Variants in RAB3C observed in about 807,000 individuals in gnomAD.
The protein encoded by RAB3C is ras-related protein Rab-3C.
In RAB3C, 17 loss-of-function variants were observed where a neutral mutation model predicts 26.4. The ratio of observed to expected loss-of-function variants is 0.64; its 90% CI spans 0.44 to 0.97. The LOEUF (loss-of-function observed/expected upper bound fraction) is 0.97. Among genes scored for constraint, RAB3C ranks in the 50% least tolerant of loss-of-function variants. The probability of loss-of-function intolerance (pLI) is 0.00; values close to 1 mark genes in which losing one functional copy is unlikely to be tolerated. For missense variants in RAB3C, 242 were observed against 281.9 expected (o/e 0.86, Z 1.01); for synonymous variants, 91 against 95.9 (o/e 0.95, Z 0.30).
intron 2 of RAB3C, among the ~76,000 whole-genome samples, chr5:58,722,184 A>C (rs1041725095): frequency 6.6e-6 from 1 of 151,882 alleles, no homozygotes; most frequent in Non-Finnish European, 1.5e-5. Flanking sequence ...CATCACTGGA[A>C]GAGGTCAAGA....
At chr5:58,748,843 C>T (rs147090623) in intron 3 of RAB3C, among the ~76,000 whole-genome samples, 23 of 152,200 alleles carry the variant, frequency 1.5e-4, no homozygotes, top group Admixed American at 1.3e-3. Context: ...CATAGGTAGG[C>T]CATGGGATTA....
chr5:58,716,447 G>A (rs185013339), intron 2 of RAB3C, among the ~76,000 whole-genome samples: 1 of 152,176 alleles, frequency 6.6e-6, no homozygotes, highest in East Asian at 1.9e-4. Context: ...TTTGAGAAAA[G>A]CTGATCTTTG....
At chr5:58,688,540 A>G (rs1175852744) in intron 2 of RAB3C, among the ~76,000 whole-genome samples, 1 of 152,136 alleles carries the variant, frequency 6.6e-6, no homozygotes, top group Non-Finnish European at 1.5e-5. Flanking sequence ...AAGCCTTTAC[A>G]TAAAGTAACA....
intron 2 of RAB3C, among the ~76,000 whole-genome samples, chr5:58,682,590 G>A (rs10071864): frequency 0.17 from 25,867 of 151,720 alleles, 2,297 homozygotes; most frequent in African/African-American, 0.2. Flanking sequence ...AGGCTGAGGC[G>A]GGAGAATGGC....
intron 2 of RAB3C, among the ~76,000 whole-genome samples, chr5:58,649,512 G>A (rs1747597786): frequency 6.6e-6 from 1 of 151,614 alleles, no homozygotes; most frequent in Non-Finnish European, 1.5e-5. Context: ...CTCACTTAAG[G>A]CGACCCATCT....
intron 2 of RAB3C, among the ~76,000 whole-genome samples, chr5:58,624,464 C>G (rs1349891306): frequency 2.6e-5 from 4 of 152,216 alleles, no homozygotes; most frequent in African/African-American, 9.6e-5. Context: ...GAAGCTTTTA[C>G]AGTTTGCCAG....
chr5:58,840,478 A>G (rs1035367641), intron 4 of RAB3C, among the ~76,000 whole-genome samples: 1 of 152,040 alleles, frequency 6.6e-6, no homozygotes, highest in African/African-American at 2.4e-5. Context: ...TTTTCTTATC[A>G]TTGAGGTCTG....
At chr5:58,664,067 G>A (rs1313322832) in intron 2 of RAB3C, among the ~76,000 whole-genome samples, 3 of 152,040 alleles carry the variant, frequency 2.0e-5, no homozygotes, top group Non-Finnish European at 4.4e-5. Flanking sequence ...ACCCCATGAA[G>A]TCATGGAATT....
Position 58,597,735 on chromosome 5 carries a change from T to C in RAB3C, c.24+14503T>C, listed in dbSNP as rs1335771041. Among the ~76,000 whole-genome samples the C allele has an allele frequency of 1.4e-3, 184 of 127,950 alleles. 13 individuals are homozygous for C. The highest frequency in any genetic ancestry group is 5.1e-3 in the African/African-American group (174 of 33,796). The allele number at this position is 127,950 out of a possible 152,430, so 83.9% of individuals were successfully genotyped here. ...ATATAGTACATTATATATAAGTATATAACATATAATACATTATATATAAGT... is the reference window on the plus strand; with the variant it reads ...ATATAGTACATTATATATAAGTATACAACATATAATACATTATATATAAGT... On this transcript the variant is annotated intron_variant, in intron 1 of 4. Transcript: ENST00000282878.
intron 1 of RAB3C, chr5:58,617,359 T>C: frequency 1.7e-6 from 1 of 602,876 alleles, no homozygotes; most frequent in South Asian, 1.7e-5. Context: ...GTTACCCTTA[T>C]AGACATCCCC....
intron 3 of RAB3C, among the ~76,000 whole-genome samples, chr5:58,750,948 G>A (rs771067124): frequency 6.6e-6 from 1 of 151,904 alleles, no homozygotes; most frequent in Non-Finnish European, 1.5e-5. Context: ...TCCACCTCCC[G>A]GGTTCAAGAG....
intron 3 of RAB3C, among the ~76,000 whole-genome samples, chr5:58,748,962 G>T (rs750570177): frequency 2.0e-5 from 3 of 151,968 alleles, no homozygotes; most frequent in Non-Finnish European, 4.4e-5. Context: ...TAATGAGCTT[G>T]GTGCAGAATG....
intron 2 of RAB3C, among the ~76,000 whole-genome samples, chr5:58,658,388 T>C (rs1211080707): frequency 6.6e-6 from 1 of 152,168 alleles, no homozygotes; most frequent in Non-Finnish European, 1.5e-5. Flanking sequence ...TGGGGTTTTC[T>C]AGATATGCAA....
intron 2 of RAB3C, among the ~76,000 whole-genome samples, chr5:58,642,989 A>T (rs148644100): frequency 2.0e-5 from 3 of 152,250 alleles, no homozygotes; most frequent in African/African-American, 7.2e-5. Flanking sequence ...GTAGAAAATC[A>T]TTACTTTCAA....
At chr5:58,787,578 G>A (rs1392055561) in intron 3 of RAB3C, among the ~76,000 whole-genome samples, 2 of 152,128 alleles carry the variant, frequency 1.3e-5, no homozygotes, top group East Asian at 3.8e-4. Context: ...ATTGGAGAGG[G>A]TAACAGTTTG....
chr5:58,822,200 A>G (rs779224717), intron 3 of RAB3C, among the ~76,000 whole-genome samples: 4 of 152,216 alleles, frequency 2.6e-5, no homozygotes, highest in Non-Finnish European at 5.9e-5. Context: ...TCAGTTTTTG[A>G]ACTTTTAATG....
chr5:58,828,091 TG>T (rs1743530884), intron 4 of RAB3C, among the ~76,000 whole-genome samples: 1 of 152,194 alleles, frequency 6.6e-6, no homozygotes, highest in Non-Finnish European at 1.5e-5. Flanking sequence ...GGAACCAAGT[TG>T]TAATGGAGCT....
intron 2 of RAB3C, among the ~76,000 whole-genome samples, chr5:58,630,360 A>G (rs1311053622): frequency 6.6e-6 from 1 of 152,204 alleles, no homozygotes; most frequent in Non-Finnish European, 1.5e-5. Flanking sequence ...CCTTGTTTTT[A>G]TGTGGGTTAT....
At chr5:58,802,557 G>A (rs1174945420) in intron 3 of RAB3C, among the ~76,000 whole-genome samples, 2 of 152,166 alleles carry the variant, frequency 1.3e-5, no homozygotes, top group African/African-American at 4.8e-5. Context: ...CTTAGAAGTA[G>A]GTATTTAATT....
Sources: gnomAD v4.1 joint callset for allele counts (sites outside exome capture counted in the v4.1 genomes callset) on GRCh38, gnomAD v4.1.1 for gene constraint, MANE v1.5 for transcripts, NCBI Gene and HGNC (gene_info 2026-07-23, HGNC 2026-07-21) for gene names.